The following NCKAP1L variants were observed in gnomAD, a reference collection of about 807,000 sequenced individuals.
The protein encoded by NCKAP1L is NCK associated protein 1 like.
In NCKAP1L, 53 loss-of-function variants were observed where a neutral mutation model predicts 139.2. The observed-to-expected ratio is 0.38, with a 90% CI of 0.31 to 0.48. The LOEUF (loss-of-function observed/expected upper bound fraction) is 0.48, where lower values mean the gene tolerates loss of function less well. Among genes scored for constraint, NCKAP1L ranks in the 20% least tolerant of loss-of-function variants. The pLI is 0.98. For missense variants in NCKAP1L, 1,151 were observed against 1,381.9 expected (o/e 0.83, Z 2.65); for synonymous variants, 468 against 499.7 (o/e 0.94, Z 0.85).
At chr12:54,505,201 G>A (rs1275359691) in intron 3 of NCKAP1L, among the ~76,000 whole-genome samples, 1 of 152,202 alleles carries the variant, frequency 6.6e-6, no homozygotes, top group Non-Finnish European at 1.5e-5. Flanking sequence ...GCATGGAGAC[G>A]GGGCACTGCC....
At chr12:54,536,716 GA>G (rs5798307) in intron 28 of NCKAP1L, among the ~76,000 whole-genome samples, 59,576 of 145,468 alleles carry the variant, frequency 0.41, 12,531 homozygotes, top group South Asian at 0.63. Context: ...CCCCTACCCT[GA>G]AAAAAAAAAA....
chr12:54,529,444 A>G (rs1320015141), intron 22 of NCKAP1L, among the ~76,000 whole-genome samples: 1 of 152,182 alleles, frequency 6.6e-6, no homozygotes, highest in Non-Finnish European at 1.5e-5. Context: ...TCACCTCCAT[A>G]TAAATCAGGG....
chr12:54,537,507 G>A (rs1284691630), intron 29 of NCKAP1L, among the ~76,000 whole-genome samples: 2 of 152,180 alleles, frequency 1.3e-5, no homozygotes, highest in Non-Finnish European at 1.5e-5. Flanking sequence ...GACCTACTGA[G>A]TTAGAATATT....
chr12:54,499,617 G>T, intron 2 of NCKAP1L, 152 bp downstream of exon 2: 1 of 591,180 alleles, frequency 1.7e-6, no homozygotes. Flanking sequence ...CAGGGCTTCA[G>T]GTTGTTGTAG....
At chr12:54,521,011 G>T (rs1483787797) in intron 17 of NCKAP1L, 108 bp from the exon 18 acceptor site, 2 of 1,552,752 alleles carry the variant, frequency 1.3e-6, no homozygotes, top group East Asian at 4.5e-5. Context: ...CTGTAGGAAT[G>T]GGTAGGAATC....
intron 16 of NCKAP1L, 146 bp from the exon 17 acceptor site, chr12:54,520,548 G>A (rs979205497): frequency 1.9e-5 from 15 of 798,458 alleles, no homozygotes; most frequent in African/African-American, 5.1e-5. Context: ...GGTAAATATC[G>A]GTAAATGTTT....
At chr12:54,497,956 C>G in intron 1 of NCKAP1L, 65 bp downstream of exon 1, 1 of 1,029,670 alleles carries the variant, frequency 9.7e-7, no homozygotes, top group Non-Finnish European at 1.5e-6. Context: ...AACCCTGAGG[C>G]GGCAGGTGCA....
chr12:54,531,989 A>G (rs1474474541), intron 25 of NCKAP1L, among the ~76,000 whole-genome samples, 164 bp downstream of exon 25: 1 of 152,128 alleles, frequency 6.6e-6, no homozygotes, highest in East Asian at 1.9e-4. Flanking sequence ...AGATCCTAGA[A>G]GATCCCTAGG....
At chr12:54,527,620 G>A (rs766506197) in intron 21 of NCKAP1L, among the ~76,000 whole-genome samples, 46 of 152,240 alleles carry the variant, frequency 3.0e-4, no homozygotes, top group Middle Eastern at 3.4e-3. Context: ...CCTGTCAGCC[G>A]TTTCAGCGTA....
rs267603548 is a variant in NCKAP1L, at chr12:54,517,838, G to A, written c.1238G>A (p.Gly413Glu). ...SIAELLFLLE[G>E]IRSLVRRHIK... The stretch of plus-strand genomic sequence containing the variant: ...GCAGAGCTACTTTTCTTGTTGGAGG[G>A]GATTAGGTCTCTGGTCCGAAGACAC... The change falls in exon 13 of 31, where the codon GGG (glycine) becomes GAG (glutamate). Residue 413 changes from glycine (G) to glutamate (E), a missense_variant. Gly to Glu is a moderately conservative substitution (Grantham distance 98, BLOSUM62 -2). Transcript: ENST00000293373. 1 of 1,614,052 alleles carries A rather than the reference G, an allele frequency of 6.2e-7. No individual in the cohort carries two copies.
At chr12:54,513,614 G>A (rs976277760) in intron 9 of NCKAP1L, among the ~76,000 whole-genome samples, 1 of 152,208 alleles carries the variant, frequency 6.6e-6, no homozygotes, top group African/African-American at 2.4e-5. Context: ...TCTGTTAGAC[G>A]ATGTTGGGAG....
intron 20 of NCKAP1L, among the ~76,000 whole-genome samples, chr12:54,524,633 C>T (rs1957013002): frequency 6.6e-6 from 1 of 152,226 alleles, no homozygotes; most frequent in African/African-American, 2.4e-5. Context: ...TATTGAACAC[C>T]TGCTGTGTGT....
At chr12:54,519,108 G>C (rs1367083094) in intron 15 of NCKAP1L, 79 bp from the exon 16 acceptor site, 2 of 1,565,830 alleles carry the variant, frequency 1.3e-6, no homozygotes, top group African/African-American at 1.4e-5. Context: ...GACATACTCA[G>C]GCCAAACTGT....
chr12:54,518,012 G>C, intron 13 of NCKAP1L, 74 bp downstream of exon 13: 1 of 1,558,988 alleles, frequency 6.4e-7, no homozygotes, highest in South Asian at 1.1e-5. Flanking sequence ...AAACCACTCT[G>C]GCTGAATCTC....
chr12:54,512,972 A>G (rs1415776372), intron 9 of NCKAP1L, among the ~76,000 whole-genome samples: 2 of 152,296 alleles, frequency 1.3e-5, no homozygotes, highest in East Asian at 3.9e-4. Flanking sequence ...TGGGTTATAA[A>G]AATGAAGATG....
At chr12:54,506,737 A>T (rs1208811706) in intron 3 of NCKAP1L, among the ~76,000 whole-genome samples, 3 of 137,280 alleles carry the variant, frequency 2.2e-5, no homozygotes, top group Non-Finnish European at 4.6e-5. Context: ...TTGGCATCAT[A>T]TTTTTTTTAT....
intron 10 of NCKAP1L, 48 bp downstream of exon 10, chr12:54,516,343 T>A: frequency 6.4e-7 from 1 of 1,564,754 alleles, no homozygotes; most frequent in Non-Finnish European, 8.8e-7. Flanking sequence ...AATAGGAATC[T>A]CTTCTCACTT....
At chr12:54,506,454 G>A (rs1235524659) in intron 3 of NCKAP1L, among the ~76,000 whole-genome samples, 6 of 151,768 alleles carry the variant, frequency 4.0e-5, no homozygotes, top group Non-Finnish European at 8.8e-5. Flanking sequence ...CCAGGCTGGA[G>A]TGCAGTGGCA....
intron 30 of NCKAP1L, 85 bp downstream of exon 30, chr12:54,539,058 C>A: frequency 1.7e-6 from 2 of 1,166,464 alleles, no homozygotes; most frequent in South Asian, 1.3e-5. Flanking sequence ...GCATCCTTGC[C>A]ATTCTTGTCA....
Sources: gnomAD v4.1 joint callset for allele counts (sites outside exome capture counted in the v4.1 genomes callset) on GRCh38, gnomAD v4.1.1 for gene constraint, MANE v1.5 for transcripts, NCBI Gene and HGNC (gene_info 2026-07-23, HGNC 2026-07-21) for gene names.